The following CSMD1 variants were observed in gnomAD, a reference collection of about 807,000 sequenced individuals.
CSMD1 encodes the protein CUB and Sushi multiple domains 1, also known as CUB and sushi domain-containing protein 1.
CSMD1 carries 213 observed loss-of-function variants against 417.5 expected under a neutral mutation model. That is an observed-to-expected ratio of 0.51 (90% CI 0.46 to 0.57). The LOEUF is 0.57. Among genes scored for constraint, CSMD1 ranks in the 20% least tolerant of loss-of-function variants. The pLI, the probability that CSMD1 is intolerant of heterozygous loss-of-function variation, is 0.00. For missense variants in CSMD1, 6,923 were observed against 4,529.7 expected, an observed-to-expected ratio of 1.53 and a Z score of -15.17; for synonymous variants, 2,862 against 1,736.8, an observed-to-expected ratio of 1.65 and a Z score of -16.11.
intron 3 of CSMD1, among the ~76,000 whole-genome samples, chr8:4,340,611 G>C (rs536509085): frequency 6.6e-6 from 1 of 152,086 alleles, no homozygotes; most frequent in Admixed American, 6.6e-5. Context: ...CTCTTGCTTG[G>C]CTGCGCCTCC....
chr8:3,810,412 G>A (rs757442987), intron 5 of CSMD1, among the ~76,000 whole-genome samples: 28 of 152,186 alleles, frequency 1.8e-4, no homozygotes, highest in Non-Finnish European at 3.5e-4. Flanking sequence ...CTAAGTCCAA[G>A]TGTTTTCTTG....
chr8:4,122,762 G>C (rs1179927904), intron 3 of CSMD1, among the ~76,000 whole-genome samples: 1 of 152,082 alleles, frequency 6.6e-6, no homozygotes, highest in East Asian at 1.9e-4. Flanking sequence ...AAGATTTCTG[G>C]CTCTTATCAA....
chr8:3,853,561 G>C (rs541133272), intron 5 of CSMD1, among the ~76,000 whole-genome samples: 7 of 152,140 alleles, frequency 4.6e-5, no homozygotes, highest in Non-Finnish European at 7.4e-5. Context: ...ATGTAAGAAA[G>C]TGATTATGAA....
chr8:4,435,731 C>T (rs1314064176), intron 2 of CSMD1, among the ~76,000 whole-genome samples: 1 of 152,152 alleles, frequency 6.6e-6, no homozygotes, highest in African/African-American at 2.4e-5. Context: ...GCCTTGAGAT[C>T]TGTCTTGGCC....
intron 3 of CSMD1, among the ~76,000 whole-genome samples, chr8:4,124,491 C>T (rs1261809795): frequency 1.3e-5 from 2 of 152,146 alleles, no homozygotes; most frequent in Non-Finnish European, 2.9e-5. Flanking sequence ...GGGGTGAAAT[C>T]ACCAACTGCC....
chr8:3,696,640 A>G (rs374786232), intron 7 of CSMD1, among the ~76,000 whole-genome samples: 1 of 152,202 alleles, frequency 6.6e-6, no homozygotes, highest in African/African-American at 2.4e-5. Context: ...TCATTATATA[A>G]CCCTGATGCA....
chr8:4,400,126 G>C (rs1763597721), intron 3 of CSMD1, among the ~76,000 whole-genome samples: 2 of 152,104 alleles, frequency 1.3e-5, no homozygotes, highest in Non-Finnish European at 2.9e-5. Context: ...CTGCTCTATA[G>C]TAATTTGTAT....
chr8:3,596,000 T>C (rs531977895), intron 8 of CSMD1, among the ~76,000 whole-genome samples: 90 of 152,312 alleles, frequency 5.9e-4, no homozygotes, highest in Non-Finnish European at 9.7e-4. Context: ...GCCTCCTTCC[T>C]GACAATTTAT....
intron 3 of CSMD1, among the ~76,000 whole-genome samples, chr8:4,200,248 C>A (rs983169423): frequency 2.6e-5 from 4 of 152,124 alleles, no homozygotes; most frequent in South Asian, 4.1e-4. Context: ...TTCCTCTATT[C>A]AATACACTGA....
chr8:3,341,012 T>C (rs7829195), intron 23 of CSMD1, among the ~76,000 whole-genome samples: 1,877 of 152,326 alleles, frequency 0.012, 45 homozygotes, highest in African/African-American at 0.043. Context: ...GTCTGTAGAA[T>C]TGGAAAGTGC....
At chr8:4,381,922 G>C (rs1262321644) in intron 3 of CSMD1, among the ~76,000 whole-genome samples, 3 of 151,982 alleles carry the variant, frequency 2.0e-5, no homozygotes, top group African/African-American at 7.3e-5. Flanking sequence ...CCCACTGCAG[G>C]GAAAACAAAT....
chr8:3,709,680 G>GTTTT lies in CSMD1; in HGVS notation c.932-1193_932-1190dup, dbSNP rs56272726. ...GATGGGCTTTAAATTGCAGCAGCAT[G>GTTTT]TTTTTTTTTTTTTTTTTTTTTTTTT... On this transcript the variant is annotated intron_variant, in intron 6 of 69. Transcript: ENST00000635120. Among the ~76,000 whole-genome samples, 65 of 33,698 alleles carry GTTTT rather than the reference G, an allele frequency of 1.9e-3. 7 individuals carry two copies. Among genetic ancestry groups the GTTTT allele is most frequent in the African/African-American group, 3.5e-3 (33 of 9,450 alleles). 22.1% of individuals were successfully genotyped at this position (33,698 alleles called of 152,430 possible). A position where few individuals can be genotyped will look rare whatever the true frequency, so the allele number is the denominator to read the frequency against.
intron 3 of CSMD1, among the ~76,000 whole-genome samples, chr8:4,107,535 T>G (rs921060849): frequency 6.6e-6 from 1 of 152,242 alleles, no homozygotes; most frequent in Non-Finnish European, 1.5e-5. Flanking sequence ...ATATCTGGGC[T>G]AATTTTTAAG....
At chr8:4,283,054 T>C (rs1035144237) in intron 3 of CSMD1, among the ~76,000 whole-genome samples, 1 of 152,168 alleles carries the variant, frequency 6.6e-6, no homozygotes, top group Non-Finnish European at 1.5e-5. Flanking sequence ...TGCCTGATAG[T>C]TAGAAACAGA....
intron 3 of CSMD1, among the ~76,000 whole-genome samples, chr8:4,133,410 C>T (rs889958060): frequency 1.3e-5 from 2 of 152,252 alleles, no homozygotes; most frequent in African/African-American, 4.8e-5. Flanking sequence ...ACCTCTGTGA[C>T]GTGTTCCTAA....
chr8:4,491,937 A>C (rs562176443), intron 2 of CSMD1, among the ~76,000 whole-genome samples: 11 of 152,148 alleles, frequency 7.2e-5, no homozygotes, highest in African/African-American at 2.6e-4. Context: ...TAGCAGCTTT[A>C]TTCATAATTG....
At chr8:4,817,279 G>A (rs1028131305) in intron 1 of CSMD1, among the ~76,000 whole-genome samples, 2 of 152,096 alleles carry the variant, frequency 1.3e-5, no homozygotes, top group Non-Finnish European at 1.5e-5. Context: ...TGTGTGCCAG[G>A]CCTGCCCAAT....
At chr8:4,668,415 C>CATTATTGTTATTATT (rs761167253) in intron 1 of CSMD1, among the ~76,000 whole-genome samples, 16 of 130,010 alleles carry the variant, frequency 1.2e-4, no homozygotes, top group African/African-American at 4.6e-4. Flanking sequence ...TGATGTTTTC[C>CATTATTGTTATTATT]ATTATTATTA....
intron 1 of CSMD1, among the ~76,000 whole-genome samples, chr8:4,823,162 G>A (rs948043871): frequency 6.6e-6 from 1 of 152,032 alleles, no homozygotes; most frequent in African/African-American, 2.4e-5. Context: ...CGTCACAACT[G>A]CTGGTTCCTG....
Sources: allele counts gnomAD v4.1 joint callset (sites outside exome capture counted in the v4.1 genomes callset), GRCh38; gene constraint gnomAD v4.1.1; transcripts MANE v1.5; gene names NCBI Gene and HGNC (gene_info 2026-07-23, HGNC 2026-07-21).